Variants in CTNNA2 observed in about 807,000 individuals in gnomAD.
The protein encoded by CTNNA2 is catenin alpha-2.
CTNNA2 carries 42 observed loss-of-function variants against 101.0 expected under a neutral mutation model. The observed-to-expected ratio is 0.42, with a 90% CI of 0.32 to 0.54. The LOEUF is 0.54. Ranked by LOEUF, CTNNA2 falls within the 20% of genes least tolerant of loss-of-function variation. The probability of loss-of-function intolerance (pLI) is 0.14; values close to 1 mark genes in which losing one functional copy is unlikely to be tolerated. For synonymous variants in CTNNA2, 450 were observed against 456.4 expected (o/e 0.99, Z 0.18); for missense variants, 871 against 1,223.1 (o/e 0.71, Z 4.29).
At chr2:79,755,566 G>A (rs1450794306) in intron 3 of CTNNA2, among the ~76,000 whole-genome samples, 1 of 152,076 alleles carries the variant, frequency 6.6e-6, no homozygotes. Flanking sequence ...CAGACCATCT[G>A]GTTCAGAATT....
chr2:80,529,833 G>A (rs764226749), intron 9 of CTNNA2, among the ~76,000 whole-genome samples: 7 of 152,254 alleles, frequency 4.6e-5, no homozygotes, highest in Non-Finnish European at 8.8e-5. Flanking sequence ...CTGATTCAGC[G>A]AGGGGGGTAA....
intron 3 of CTNNA2, among the ~76,000 whole-genome samples, chr2:79,776,577 C>T (rs767236627): frequency 4.9e-4 from 75 of 152,304 alleles, no homozygotes; most frequent in Non-Finnish European, 7.6e-4. Flanking sequence ...AATATATCCG[C>T]ACATTCAAGC....
At chr2:79,587,317 G>A (rs1676560584) in intron 1 of CTNNA2, among the ~76,000 whole-genome samples, 1 of 152,012 alleles carries the variant, frequency 6.6e-6, no homozygotes, top group Non-Finnish European at 1.5e-5. Flanking sequence ...CGTGGGCTGA[G>A]TTATTAAACC....
At chr2:80,144,969 C>T (rs1703246533) in intron 7 of CTNNA2, among the ~76,000 whole-genome samples, 1 of 152,126 alleles carries the variant, frequency 6.6e-6, no homozygotes, top group Admixed American at 6.6e-5. Flanking sequence ...CTCCCCCCAG[C>T]TGTCACAACC....
chr2:80,448,165 G>A (rs747767915), intron 9 of CTNNA2, among the ~76,000 whole-genome samples: 2 of 152,062 alleles, frequency 1.3e-5, no homozygotes, highest in Non-Finnish European at 2.9e-5. Flanking sequence ...AATCACTGAC[G>A]CCTTCTCCAT....
At chr2:80,568,617 T>C (rs944927504) in intron 12 of CTNNA2, among the ~76,000 whole-genome samples, 2 of 151,152 alleles carry the variant, frequency 1.3e-5, no homozygotes, top group Admixed American at 1.3e-4. Flanking sequence ...TGCTATAAAA[T>C]TACAGAGAAT....
At chr2:79,367,306 G>A (rs1319214601) in intron 3 of CTNNA2, among the ~76,000 whole-genome samples, 4 of 152,214 alleles carry the variant, frequency 2.6e-5, no homozygotes, top group Non-Finnish European at 5.9e-5. Context: ...GGTTAAGCCA[G>A]CCAGTCTGCA....
intron 13 of CTNNA2, among the ~76,000 whole-genome samples, chr2:80,576,572 C>T (rs1403782018): frequency 6.6e-6 from 1 of 151,900 alleles, no homozygotes; most frequent in Non-Finnish European, 1.5e-5. Flanking sequence ...AATCTTGAAT[C>T]ATTGCTTCTA....
chr2:79,955,120 T>G (rs1689136324), intron 7 of CTNNA2, among the ~76,000 whole-genome samples: 1 of 152,196 alleles, frequency 6.6e-6, no homozygotes. Context: ...ATTTGACATG[T>G]TTTATTATGG....
intron 7 of CTNNA2, among the ~76,000 whole-genome samples, chr2:80,371,556 A>AT (rs56220769): frequency 0.027 from 3,956 of 145,442 alleles, 62 homozygotes; most frequent in Middle Eastern, 0.05. Context: ...GAAATCAGGG[A>AT]TTTTTTTTTT....
chr2:80,446,876 A>G (rs1280545265), intron 9 of CTNNA2, among the ~76,000 whole-genome samples: 1 of 150,914 alleles, frequency 6.6e-6, no homozygotes, highest in Non-Finnish European at 1.5e-5. Flanking sequence ...TTTCAGCAGA[A>G]AATAATTTTC....
At chr2:79,421,526 T>C (rs1446828851) in intron 4 of CTNNA2, among the ~76,000 whole-genome samples, 5 of 152,206 alleles carry the variant, frequency 3.3e-5, no homozygotes, top group Admixed American at 3.3e-4. Context: ...TTTTGTTTTA[T>C]TTTCCTTCAT....
intron 4 of CTNNA2, among the ~76,000 whole-genome samples, chr2:79,437,360 T>G (rs899872343): frequency 6.6e-6 from 1 of 152,184 alleles, no homozygotes; most frequent in African/African-American, 2.4e-5. Flanking sequence ...TTCAGATTCC[T>G]TCTGAGCCAG....
chr2:80,206,815 G>C (rs1707564341), intron 7 of CTNNA2, among the ~76,000 whole-genome samples: 1 of 152,122 alleles, frequency 6.6e-6, no homozygotes, highest in African/African-American at 2.4e-5. Context: ...CTAATAATTT[G>C]AGCATGATAG....
At chr2:80,458,024 C>T (rs147463454) in intron 9 of CTNNA2, among the ~76,000 whole-genome samples, 52 of 152,290 alleles carry the variant, frequency 3.4e-4, no homozygotes, top group African/African-American at 9.4e-4. Context: ...TGAAGTTAGG[C>T]TGCAGATGAG....
chr2:79,212,341 G>A (rs1234680184), intron 2 of CTNNA2, among the ~76,000 whole-genome samples: 1 of 152,148 alleles, frequency 6.6e-6, no homozygotes, highest in Admixed American at 6.5e-5. Flanking sequence ...CTGGTGTCTG[G>A]AATGACACTG....
intron 7 of CTNNA2, among the ~76,000 whole-genome samples, chr2:80,335,522 G>T (rs899905754): frequency 1.3e-5 from 2 of 151,944 alleles, no homozygotes; most frequent in Non-Finnish European, 2.9e-5. Flanking sequence ...AAATAGTTTG[G>T]GTAGAGCACC....
intron 9 of CTNNA2, among the ~76,000 whole-genome samples, chr2:80,425,692 GCTAT>G (rs1680927932): frequency 6.6e-6 from 1 of 152,006 alleles, no homozygotes; most frequent in South Asian, 2.1e-4. Context: ...TATTCAGTTT[GCTAT>G]CTATTTTATG....
chr2:80,065,439 A>C (rs565808140), intron 7 of CTNNA2, among the ~76,000 whole-genome samples: 1 of 151,222 alleles, frequency 6.6e-6, no homozygotes, highest in Non-Finnish European at 1.5e-5. Context: ...GCTCACTACA[A>C]TCTCTGCCTC....
Sources: allele counts gnomAD v4.1 joint callset (sites outside exome capture counted in the v4.1 genomes callset), GRCh38; gene constraint gnomAD v4.1.1; transcripts MANE v1.5; gene names NCBI Gene and HGNC (gene_info 2026-07-23, HGNC 2026-07-21).